PDE1A: variants seen among roughly 807,000 people sequenced by gnomAD.
PDE1A encodes phosphodiesterase 1A, also known as dual specificity calcium/calmodulin-dependent 3',5'-cyclic nucleotide phosphodiesterase 1A.
Under a neutral mutation model 61.7 loss-of-function variants are expected in PDE1A, and 35 were observed. That is an observed-to-expected ratio of 0.57 (90% confidence interval 0.43 to 0.75). The LOEUF (loss-of-function observed/expected upper bound fraction) is 0.75, where lower values mean the gene tolerates loss of function less well. PDE1A is among the 30% of genes least tolerant of loss of function. The pLI is 0.00. For missense variants in PDE1A, 597 were observed against 630.6 expected (o/e 0.95, Z 0.57); for synonymous variants, 232 against 213.2 (o/e 1.09, Z -0.77).
intron 13 of PDE1A, among the ~76,000 whole-genome samples, chr2:182,150,719 G>C (rs1320217836): frequency 6.6e-6 from 1 of 152,072 alleles, no homozygotes; most frequent in Non-Finnish European, 1.5e-5. Flanking sequence ...GAGCAGGGAG[G>C]GGATAGTTGT....
chr2:182,635,437 A>C, the PDE1A span, among the ~76,000 whole-genome samples: 1 of 152,024 alleles, frequency 6.6e-6, no homozygotes, highest in Non-Finnish European at 1.5e-5. Flanking sequence ...TGTTTAATAT[A>C]CCTTAGAAAT....
chr2:182,625,834 T>C, the PDE1A span, among the ~76,000 whole-genome samples: 1 of 152,200 alleles, frequency 6.6e-6, no homozygotes, highest in Non-Finnish European at 1.5e-5. Context: ...CCTTGATGTC[T>C]TCTAATAAAG....
chr2:182,297,428 G>T (rs1432197056), intron 1 of PDE1A, among the ~76,000 whole-genome samples: 3 of 152,158 alleles, frequency 2.0e-5, no homozygotes, highest in East Asian at 1.9e-4. Flanking sequence ...CAAAGAGGAG[G>T]TCTGATCATT....
At chr2:182,496,320 C>A (rs894616692) in intron 2 of PDE1A, among the ~76,000 whole-genome samples, 2 of 152,156 alleles carry the variant, frequency 1.3e-5, no homozygotes, top group Non-Finnish European at 2.9e-5. Flanking sequence ...ATGTTGATCA[C>A]ATTGTTATTG....
chr2:182,422,136 T>A (rs1703318935), intron 1 of PDE1A, among the ~76,000 whole-genome samples: 1 of 152,208 alleles, frequency 6.6e-6, no homozygotes, highest in Non-Finnish European at 1.5e-5. Context: ...ATGTACAGAC[T>A]TGTTCTCAAT....
intron 2 of PDE1A, among the ~76,000 whole-genome samples, chr2:182,444,656 A>C (rs762306461): frequency 6.6e-6 from 1 of 151,890 alleles, no homozygotes; most frequent in African/African-American, 2.4e-5. Flanking sequence ...TCTTGCTGAG[A>C]CCACTGAGAA....
chr2:182,492,142 T>G (rs1158793605), intron 2 of PDE1A, among the ~76,000 whole-genome samples: 1 of 152,140 alleles, frequency 6.6e-6, no homozygotes, highest in Admixed American at 6.5e-5. Context: ...ATTTGTGAAT[T>G]TTTTTGTCCA....
At chr2:182,250,107 T>A (rs1006016879) in intron 2 of PDE1A, among the ~76,000 whole-genome samples, 4 of 152,178 alleles carry the variant, frequency 2.6e-5, no homozygotes, top group Non-Finnish European at 4.4e-5. Flanking sequence ...ATTTTTTTCA[T>A]ACTGAGTACC....
intron 2 of PDE1A, among the ~76,000 whole-genome samples, chr2:182,440,516 A>G (rs1183889502): frequency 6.6e-6 from 1 of 152,120 alleles, no homozygotes; most frequent in Non-Finnish European, 1.5e-5. Flanking sequence ...ACTCAACTGC[A>G]GCAAATGCCT....
the PDE1A span, among the ~76,000 whole-genome samples, chr2:182,704,857 A>G: frequency 6.6e-6 from 1 of 152,260 alleles, no homozygotes; most frequent in African/African-American, 2.4e-5. Context: ...TCATGAAAGT[A>G]GTTTTAACCT....
chr2:182,168,108 T>C, exon 14 of PDE1A: 1 of 1,384,430 alleles, frequency 7.2e-7, no homozygotes, highest in Non-Finnish European at 9.3e-7. Context: ...TGGCTCATGA[T>C]GCTTATTGAG....
chr2:182,250,645 CT>C (rs1280883921), intron 2 of PDE1A, among the ~76,000 whole-genome samples: 1 of 151,448 alleles, frequency 6.6e-6, no homozygotes, highest in African/African-American at 2.4e-5. Context: ...TTTTTTTTAA[CT>C]GTGAGAAGAT....
the PDE1A span, among the ~76,000 whole-genome samples, chr2:182,657,197 T>G: frequency 2.0e-5 from 3 of 152,158 alleles, no homozygotes; most frequent in Admixed American, 6.5e-5. Context: ...CACTCCAGCC[T>G]GGTGACAGAT....
chr2:182,482,193 G>A (rs1306111680), intron 2 of PDE1A, among the ~76,000 whole-genome samples: 1 of 151,798 alleles, frequency 6.6e-6, no homozygotes, highest in Admixed American at 6.6e-5. Flanking sequence ...AATAAATGTA[G>A]GAAGTAAAAA....
At chr2:182,569,260 T>TATATATATATATATATATAC in the PDE1A span, among the ~76,000 whole-genome samples, 425 of 147,492 alleles carry the variant, frequency 2.9e-3, 7 homozygotes, top group Middle Eastern at 0.014. Context: ...CTCAAATATA[T>TATATATATATATATATATAC]ATATATATAT....
At chr2:182,437,379 C>T (rs1445039980) in intron 2 of PDE1A, among the ~76,000 whole-genome samples, 1 of 151,896 alleles carries the variant, frequency 6.6e-6, no homozygotes, top group Non-Finnish European at 1.5e-5. Context: ...TTAATTAAAA[C>T]TCTCTACCTT....
the PDE1A span, among the ~76,000 whole-genome samples, chr2:182,549,332 T>C: frequency 6.6e-6 from 1 of 152,096 alleles, no homozygotes; most frequent in Non-Finnish European, 1.5e-5. Flanking sequence ...TCTTTCAAAT[T>C]ACAAGTATTG....
chr2:182,555,801 T>C, the PDE1A span, among the ~76,000 whole-genome samples: 1 of 151,532 alleles, frequency 6.6e-6, no homozygotes, highest in Non-Finnish European at 1.5e-5. Flanking sequence ...CCCCTGTCTC[T>C]ACTAAAAATA....
At chr2:182,264,108 G>A (rs908097540) in intron 2 of PDE1A, among the ~76,000 whole-genome samples, 193 bp downstream of exon 2, 2 of 152,122 alleles carry the variant, frequency 1.3e-5, no homozygotes, top group South Asian at 2.1e-4. Flanking sequence ...ATTAAAATGT[G>A]TATTAATTTT....
Sources: allele counts gnomAD v4.1 joint callset (sites outside exome capture counted in the v4.1 genomes callset), GRCh38; gene constraint gnomAD v4.1.1; transcripts MANE v1.5; gene names NCBI Gene and HGNC (gene_info 2026-07-23, HGNC 2026-07-21).